ALDH1L1: variants seen among roughly 807,000 people sequenced by gnomAD.
ALDH1L1 encodes cytosolic 10-formyltetrahydrofolate dehydrogenase.
A neutral mutation model predicts 101.1 loss-of-function variants in ALDH1L1; 68 were observed. That is an observed-to-expected ratio of 0.67 (90% confidence interval 0.55 to 0.82). The LOEUF (loss-of-function observed/expected upper bound fraction) is 0.82. Among genes scored for constraint, ALDH1L1 ranks in the 40% least tolerant of loss-of-function variants. The pLI is 0.00. For missense variants in ALDH1L1, 1,087 were observed against 1,172.7 expected, an observed-to-expected ratio of 0.93 and a Z score of 1.07; for synonymous variants, 486 against 470.8, an observed-to-expected ratio of 1.03 and a Z score of -0.42.
chr3:126,139,625 T>A (rs1290593030), intron 9 of ALDH1L1, among the ~76,000 whole-genome samples: 1 of 152,188 alleles, frequency 6.6e-6, no homozygotes, highest in Non-Finnish European at 1.5e-5. Flanking sequence ...ATGCCTTAAA[T>A]ATGTTCAATG....
At chr3:126,129,387 G>A (rs1186757766) in intron 14 of ALDH1L1, 1 of 152,410 alleles carries the variant, frequency 6.6e-6, no homozygotes, top group Non-Finnish European at 1.5e-5. Context: ...CAGAGCAGGT[G>A]GGAATGACTG....
At chr3:126,189,479 G>A (rs931199842) in intron 1 of ALDH1L1, among the ~76,000 whole-genome samples, 1 of 152,146 alleles carries the variant, frequency 6.6e-6, no homozygotes, top group Non-Finnish European at 1.5e-5. Flanking sequence ...TTTGAGCTGT[G>A]AGTTGTGAAC....
At chr3:126,178,395 A>T (rs866056613) in intron 1 of ALDH1L1, among the ~76,000 whole-genome samples, 1 of 87,446 alleles carries the variant, frequency 1.1e-5, no homozygotes, top group Admixed American at 1.2e-4. Context: ...AAAAAAAAAA[A>T]GAAAAAAAAA....
At chr3:126,128,296 C>G (rs2080228804) in intron 14 of ALDH1L1, 1 of 152,300 alleles carries the variant, frequency 6.6e-6, no homozygotes, top group Non-Finnish European at 1.5e-5. Context: ...CCCAGGAGGC[C>G]CGGCCCTGCA....
intron 1 of ALDH1L1, among the ~76,000 whole-genome samples, chr3:126,187,747 A>T (rs80210446): frequency 2.0e-5 from 3 of 152,240 alleles, no homozygotes; most frequent in East Asian, 3.9e-4. Flanking sequence ...AATGCTGGTG[A>T]ATTGAGGGAA....
chr3:126,107,546 C>T (rs953277793), intron 20 of ALDH1L1, among the ~76,000 whole-genome samples: 8 of 152,236 alleles, frequency 5.3e-5, no homozygotes, highest in African/African-American at 1.9e-4. Flanking sequence ...GTGCCAGAAC[C>T]CATGGCCGAA....
upstream of ALDH1L1, among the ~76,000 whole-genome samples, chr3:126,186,507 CTGA>C (rs1445139296): frequency 6.6e-6 from 1 of 152,172 alleles, no homozygotes; most frequent in East Asian, 1.9e-4. Flanking sequence ...GACCCTGACC[CTGA>C]CCCTGACCCT....
chr3:126,136,514 T>C (rs1401937580), intron 11 of ALDH1L1, among the ~76,000 whole-genome samples: 2 of 152,116 alleles, frequency 1.3e-5, no homozygotes, highest in African/African-American at 4.8e-5. Flanking sequence ...AGGAACTCTG[T>C]TCCCAGTCTC....
chr3:126,153,381 G>A (rs753235880), intron 7 of ALDH1L1, 63 bp downstream of exon 7: 1 of 1,605,102 alleles, frequency 6.2e-7, no homozygotes, highest in South Asian at 1.1e-5. Context: ...TGTGAGGCCT[G>A]AGTCCAAGGA....
At chr3:126,150,059 T>G (rs2080777845) in intron 8 of ALDH1L1, among the ~76,000 whole-genome samples, 1 of 152,208 alleles carries the variant, frequency 6.6e-6, no homozygotes. Context: ...TGGTGCAGCC[T>G]TTCTGGAAGG....
Position 126,158,576 on chromosome 3 carries a change from T to C in ALDH1L1, c.191A>G (p.Gln64Arg), listed in dbSNP as rs1269025366. ...TTTTGCCACCACATCAGGCAAAGCC[T>C]GTCCTTTTGCACGCCACCGGGAGTA... ...FKYSRWRAKG[Q>R]ALPDVVAKYQ... The change falls in exon 3 of 23, where the codon CAG (glutamine) becomes CGG (arginine). Residue 64 changes from glutamine (Q) to arginine (R), a missense_variant. Transcript: ENST00000393434. The C allele has an allele frequency of 6.2e-7, 1 of 1,614,158 alleles. No homozygotes were observed. Among genetic ancestry groups the C allele is most frequent in the Admixed American group, 1.7e-5 (1 of 60,030 alleles).
At chr3:126,183,975 T>C (rs949051703), upstream of ALDH1L1, among the ~76,000 whole-genome samples, 2 of 152,182 alleles carry the variant, frequency 1.3e-5, no homozygotes, top group Non-Finnish European at 2.9e-5. Context: ...ACTGTGGTCA[T>C]TTTAAAACTC....
intron 13 of ALDH1L1, among the ~76,000 whole-genome samples, chr3:126,130,562 G>T (rs2080280428): frequency 6.6e-6 from 1 of 152,232 alleles, no homozygotes; most frequent in African/African-American, 2.4e-5. Context: ...GGGTGAGGGT[G>T]GGGGCAGGGC....
At chr3:126,182,365 C>A (rs1383710274), upstream of ALDH1L1, among the ~76,000 whole-genome samples, 3 of 152,126 alleles carry the variant, frequency 2.0e-5, no homozygotes, top group African/African-American at 7.2e-5. Context: ...GTTGGCCAGG[C>A]TGGTCTCAAA....
intron 17 of ALDH1L1, among the ~76,000 whole-genome samples, chr3:126,117,410 G>C (rs2079991776): frequency 6.6e-6 from 1 of 152,078 alleles, no homozygotes; most frequent in Non-Finnish European, 1.5e-5. Flanking sequence ...CCAGCACGGA[G>C]ATGGGAGGCC....
rs1945756999 is a variant in ALDH1L1 at position 126,103,716 on chromosome 3, G to C, written c.*75C>G. On this transcript the variant is annotated 3_prime_UTR_variant, in exon 23 of 23. Coordinates refer to ENST00000393434, the MANE Select transcript of ALDH1L1 (RefSeq NM_012190.4). The stretch of plus-strand genomic sequence containing the variant: ...TAGCCCCCCAGGTGGGAGGTGCTGT[G>C]CACCCAGGCTCAAGAGGGAGGGGGC... 1 of 1,519,006 alleles carries C rather than the reference G, an allele frequency of 6.6e-7. No individual in the cohort carries two copies. Among genetic ancestry groups the C allele is most frequent in the African/African-American group, 1.4e-5 (1 of 73,018 alleles). The allele number at this position is 1,519,006 out of a possible 1,614,324, so 94.1% of individuals were successfully genotyped here.
In ALDH1L1 at chr3:126,118,087, C is replaced by T. The variant is rs1159245188; in HGVS notation, c.1900G>A (p.Gly634Ser). The stretch of plus-strand genomic sequence containing the variant: ...TCAGGATGGTCTGAGAGTCTCTGGC[C>T]GACCAGGGAGCCTGTGGGCGGGAGG... Reference protein sequence around the residue: ...NVLPGSGSLVGQRLSDHPDVR... With the variant: ...NVLPGSGSLVSQRLSDHPDVR... Residue 634 changes from glycine (G) to serine (S), a missense_variant, in exon 17 of 23, where the codon GGC becomes AGC. Gly to Ser is a moderately conservative substitution (Grantham distance 56, BLOSUM62 0). Coordinates refer to ENST00000393434, the MANE Select transcript of ALDH1L1 (RefSeq NM_012190.4). The T allele has an allele frequency of 6.2e-6, 10 of 1,613,522 alleles. No individual in the cohort carries two copies. The East Asian group carries it at 6.7e-5, about 11-fold the overall frequency.
At chr3:126,180,851 A>G (rs2081464103), upstream of ALDH1L1, 6 of 1,555,000 alleles carry the variant, frequency 3.9e-6, no homozygotes, top group Admixed American at 5.8e-5. Flanking sequence ...AGCACCCAGC[A>G]GGGCTGGCAG....
intron 20 of ALDH1L1, 80 bp from the exon 21 acceptor site, chr3:126,107,326 C>A (rs1191210868): frequency 1.8e-6 from 2 of 1,139,724 alleles, no homozygotes; most frequent in Non-Finnish European, 2.6e-6. Flanking sequence ...AGGGCCTGGG[C>A]CACACCAGCC....
Sources: gnomAD v4.1 joint callset for allele counts (sites outside exome capture counted in the v4.1 genomes callset) on GRCh38, gnomAD v4.1.1 for gene constraint, MANE v1.5 for transcripts, NCBI Gene and HGNC (gene_info 2026-07-23, HGNC 2026-07-21) for gene names.